The following SENP2 variants were observed in gnomAD, a reference collection of about 807,000 sequenced individuals.
The protein encoded by SENP2 is sentrin-specific protease 2.
SENP2 carries 16 observed loss-of-function variants against 86.3 expected under a neutral mutation model. That is an observed-to-expected ratio of 0.19 (90% CI 0.13 to 0.28). SENP2 has a LOEUF of 0.28. Among genes scored for constraint, SENP2 ranks in the 10% least tolerant of loss-of-function variants. The pLI is 1.00. For missense variants in SENP2, 552 were observed against 703.0 expected, an observed-to-expected ratio of 0.79 and a Z score of 2.43; for synonymous variants, 222 against 238.7, an observed-to-expected ratio of 0.93 and a Z score of 0.64.
chr3:185,612,879 G>C (rs2148990247), intron 9 of SENP2, among the ~76,000 whole-genome samples: 1 of 152,356 alleles, frequency 6.6e-6, no homozygotes, highest in East Asian at 1.9e-4. Flanking sequence ...GTCAGGGGTT[G>C]GGAGAAACAC....
At chr3:185,624,464 A>G (rs577536445) in intron 15 of SENP2, among the ~76,000 whole-genome samples, 72 of 152,360 alleles carry the variant, frequency 4.7e-4, no homozygotes, top group Middle Eastern at 3.4e-3. Context: ...AACCCAATAC[A>G]TTGAAGTTGG....
At chr3:185,598,595 A>T in intron 3 of SENP2, 50 bp downstream of exon 3, 2 of 1,541,314 alleles carry the variant, frequency 1.3e-6, no homozygotes, top group Non-Finnish European at 1.8e-6. Flanking sequence ...ATACTTAATC[A>T]TTATATTTTA....
At chr3:185,594,045 T>C (rs1336140240) in intron 2 of SENP2, among the ~76,000 whole-genome samples, 1 of 152,030 alleles carries the variant, frequency 6.6e-6, no homozygotes, top group East Asian at 1.9e-4. Context: ...CATTTCTTTA[T>C]AAGGCAGGTG....
In SENP2 at chr3:185,614,582, G is replaced by A; in HGVS notation, c.952G>A (p.Glu318Lys). Residue 318 changes from glutamate (E) to lysine (K), a missense_variant, in exon 11 of 17, where the codon GAG becomes AAG. Transcript: ENST00000296257. ...TGATCAGAGGAGGGGATACCAACTG[G>A]AGCCTGACCTATCAGAAGAAGTGTC... ...ENESRRGYQL[E>K]PDLSEEVSAR... is the part of the protein sequence containing the mutation. 1 of 1,613,504 alleles carries A rather than the reference G, an allele frequency of 6.2e-7. No homozygotes were observed. Among genetic ancestry groups the A allele is most frequent in the Non-Finnish European group, 8.5e-7 (1 of 1,179,818 alleles).
At chr3:185,591,140 C>CAA (rs1473745524) in intron 2 of SENP2, among the ~76,000 whole-genome samples, 80 of 151,060 alleles carry the variant, frequency 5.3e-4, no homozygotes, top group Non-Finnish European at 9.8e-4. Flanking sequence ...CTCCTGACCT[C>CAA]GTGATCTGCC....
intron 2 of SENP2, among the ~76,000 whole-genome samples, chr3:185,595,462 T>G (rs1373653061): frequency 6.6e-6 from 1 of 152,238 alleles, no homozygotes; most frequent in Non-Finnish European, 1.5e-5. Context: ...AGCAAATTTC[T>G]CAAATTGGAT....
intron 7 of SENP2, among the ~76,000 whole-genome samples, chr3:185,610,111 T>G (rs2148988904): frequency 6.7e-6 from 1 of 149,958 alleles, no homozygotes; most frequent in South Asian, 2.1e-4. Flanking sequence ...AGAAATTATA[T>G]AATAGCAAAT....
intron 2 of SENP2, 112 bp downstream of exon 2, chr3:185,590,281 G>A (rs11916386): frequency 6.8e-6 from 3 of 441,284 alleles, no homozygotes; most frequent in African/African-American, 4.2e-5. Flanking sequence ...TTGGCCGGGC[G>A]CAGTGGCTGT....
At chr3:185,595,228 T>C (rs1168005480) in intron 2 of SENP2, among the ~76,000 whole-genome samples, 3 of 152,322 alleles carry the variant, frequency 2.0e-5, no homozygotes, top group African/African-American at 4.8e-5. Flanking sequence ...TGATATTGTT[T>C]AGTAGCCACA....
Position 185,629,762 on chromosome 3 carries a change from G to GT in SENP2, c.1708-17dup, listed in dbSNP as rs369863150. ...CACATTAATATGTAATGCGGGCGTT[G>GT]TTTATGGGGTTCTTTGCAGCACCAG... On this transcript the variant is annotated intron_variant, in intron 16 of 16. Transcript: ENST00000296257. The GT allele has an allele frequency of 1.2e-6, 2 of 1,613,908 alleles. No individual in the cohort carries two copies. The highest frequency in any genetic ancestry group is 1.7e-6 in the Non-Finnish European group (2 of 1,179,802).
chr3:185,594,620 C>CT lies in SENP2; in HGVS notation c.158-3775dup, dbSNP rs11317593. Among the ~76,000 whole-genome samples, 688 of 137,386 alleles carry CT rather than the reference C, an allele frequency of 5.0e-3. 5 individuals are homozygous for CT. The highest frequency in any genetic ancestry group is 0.01 in the African/African-American group (376 of 37,110). 90.1% of individuals were successfully genotyped at this position (137,386 alleles called of 152,430 possible). On this transcript the variant is annotated intron_variant, in intron 2 of 16. Coordinates refer to ENST00000296257, the MANE Select transcript of SENP2 (RefSeq NM_021627.3). ...GACCTCAGAATTTCAGGCTCATGAT[C>CT]TTTTTTTTTTTTTTTTTGGGACAGA...
chr3:185,603,469 TAAAG>T (rs1722414183), intron 5 of SENP2, among the ~76,000 whole-genome samples: 1 of 152,218 alleles, frequency 6.6e-6, no homozygotes, highest in South Asian at 2.1e-4. Context: ...ATTAAAAAGA[TAAAG>T]AAAAGCTGAA....
At chr3:185,592,049 C>G (rs866727529) in intron 2 of SENP2, among the ~76,000 whole-genome samples, 2 of 57,774 alleles carry the variant, frequency 3.5e-5, no homozygotes, top group Middle Eastern at 0.015. Flanking sequence ...CAGGATCTTG[C>G]TCTGTCTTGA....
At chr3:185,601,265 G>A (rs925010610) in intron 5 of SENP2, among the ~76,000 whole-genome samples, 18 of 151,680 alleles carry the variant, frequency 1.2e-4, no homozygotes, top group Non-Finnish European at 2.5e-4. Context: ...GGCTGGTCTC[G>A]AACTCCTGAC....
intron 2 of SENP2, among the ~76,000 whole-genome samples, chr3:185,595,797 ATTTTTT>A (rs1011999597): frequency 7.7e-6 from 1 of 130,152 alleles, no homozygotes; most frequent in African/African-American, 2.9e-5. Flanking sequence ...TGAGCCTGAG[ATTTTTT>A]TTTTTTTTTT....
intron 1 of SENP2, among the ~76,000 whole-genome samples, chr3:185,587,091 C>T (rs1044544629): frequency 6.6e-6 from 1 of 152,108 alleles, no homozygotes; most frequent in Non-Finnish European, 1.5e-5. Flanking sequence ...CTCTTAAATT[C>T]GGTTAAAATT....
At position 185,599,010 on chromosome 3, in the gene SENP2, A is replaced by G; in HGVS notation, c.344A>G (p.Asn115Ser). 6.2e-7 allele frequency: 1 copy of G among 1,612,432 alleles called. No homozygotes were observed. Among genetic ancestry groups the G allele is most frequent in the South Asian group, 1.1e-5 (1 of 90,614 alleles). ...CELTGSGSWN[N>S]MLKLGNKSPN... Reference sequence around the variant, plus strand: ...CTGACAGGTTCTGGATCCTGGAACAACATGCTGAAACTGGGTGAGGTGGTC... The same window carrying G: ...CTGACAGGTTCTGGATCCTGGAACAGCATGCTGAAACTGGGTGAGGTGGTC... Residue 115 changes from asparagine (N) to serine (S), a missense_variant, in exon 4 of 17, where the codon AAC (asparagine) becomes AGC (serine). This residue lies in a region of SENP2 where 383 missense variants were observed against 427.3 expected (regional missense o/e 0.90). Transcript: ENST00000296257.
chr3:185,605,705 C>A (rs574807137), intron 5 of SENP2, among the ~76,000 whole-genome samples: 3 of 145,644 alleles, frequency 2.1e-5, no homozygotes, highest in East Asian at 4.0e-4. Context: ...ATATTCATTT[C>A]AAAAGCATCA....
At chr3:185,617,328 T>C in intron 11 of SENP2, 152 bp from the exon 12 acceptor site, 1 of 496,492 alleles carries the variant, frequency 2.0e-6, no homozygotes, top group Non-Finnish European at 3.5e-6. Flanking sequence ...AAAAATGTTT[T>C]CCTACTGTAG....
Sources: gnomAD v4.1 joint callset for allele counts (sites outside exome capture counted in the v4.1 genomes callset) on GRCh38, gnomAD v4.1.1 for gene constraint, gnomAD v4.1.1 regional missense constraint, MANE v1.5 for transcripts, NCBI Gene and HGNC (gene_info 2026-07-23, HGNC 2026-07-21) for gene names.